Variants in MICAL2 observed in about 807,000 individuals in gnomAD.
MICAL2 encodes the protein [F-actin]-monooxygenase MICAL2.
MICAL2 carries 77 observed loss-of-function variants against 127.3 expected under a neutral mutation model. The observed-to-expected ratio is 0.60, with a 90% CI of 0.50 to 0.73. The LOEUF is 0.73. Among genes scored for constraint, MICAL2 ranks in the 30% least tolerant of loss-of-function variants. The pLI is 0.00. For synonymous variants in MICAL2, 570 were observed against 551.1 expected, an observed-to-expected ratio of 1.03 and a Z score of -0.48; for missense variants, 1,351 against 1,434.4, an observed-to-expected ratio of 0.94 and a Z score of 0.94.
chr11:12,186,407 C>T (rs1244415537), intron 3 of MICAL2, among the ~76,000 whole-genome samples: 1 of 152,068 alleles, frequency 6.6e-6, no homozygotes, highest in Admixed American at 6.5e-5. Flanking sequence ...TTAATGACAA[C>T]TATCATTTGT....
downstream of MICAL2, among the ~76,000 whole-genome samples, chr11:12,361,004 G>A (rs1939197163): frequency 2.0e-5 from 3 of 152,152 alleles, no homozygotes; most frequent in Non-Finnish European, 4.4e-5. Context: ...TATACATTTT[G>A]AAGACAGTTT....
At chr11:12,319,440 G>GT (rs1864266682) in intron 29 of MICAL2, among the ~76,000 whole-genome samples, 3 of 61,582 alleles carry the variant, frequency 4.9e-5, no homozygotes, top group African/African-American at 2.1e-4. Flanking sequence ...TAATACCTTG[G>GT]TTTTTTCTTT....
At chr11:12,157,552 T>C (rs538585335) in intron 2 of MICAL2, among the ~76,000 whole-genome samples, 1 of 152,344 alleles carries the variant, frequency 6.6e-6, no homozygotes, top group East Asian at 1.9e-4. Flanking sequence ...CATCACATCT[T>C]GTTTCTTCCC....
At chr11:12,292,082 C>T (rs1026653386), downstream of MICAL2, 3 of 1,547,156 alleles carry the variant, frequency 1.9e-6, no homozygotes, top group Non-Finnish European at 2.6e-6. Context: ...CTTAAAGCCT[C>T]CTCTTTTCTT....
chr11:12,123,492 A>G (rs1469578356), intron 1 of MICAL2, among the ~76,000 whole-genome samples: 1 of 152,156 alleles, frequency 6.6e-6, no homozygotes, highest in East Asian at 1.9e-4. Flanking sequence ...TTTGTTAACA[A>G]CCAGGACTCA....
rs115964956 is a variant in MICAL2 at position 12,324,617 on chromosome 11, G to A, written c.5421+547G>A. Among the ~76,000 whole-genome samples the A allele has an allele frequency of 5.0e-3, 763 of 152,254 alleles. 8 individuals are homozygous for A. The highest frequency in any genetic ancestry group is 0.017 in the African/African-American group (708 of 41,520). On this transcript the variant is annotated intron_variant, in intron 31 of 34. Transcript: ENST00000646065. ...AGGCAAAATGAAGCAGAAATTCAAG[G>A]CATCCTCCACCTCTCTGAGGAACCC...
intron 15 of MICAL2, among the ~76,000 whole-genome samples, chr11:12,228,272 G>T (rs562165806): frequency 6.6e-6 from 1 of 152,292 alleles, no homozygotes; most frequent in East Asian, 1.9e-4. Context: ...AGAGGTTGCA[G>T]TGAGCCGAGA....
At chr11:12,148,842 AAAG>A (rs1853255436) in intron 2 of MICAL2, among the ~76,000 whole-genome samples, 1 of 152,100 alleles carries the variant, frequency 6.6e-6, no homozygotes, top group Non-Finnish European at 1.5e-5. Context: ...ATTATGCTTC[AAAG>A]AAGAACAGTG....
rs139127258 is a variant in MICAL2, at chr11:12,332,388, A to T, written c.5515+5122A>T. On this transcript the variant is annotated intron_variant, in intron 32 of 34. Coordinates refer to the MICAL2 transcript ENST00000646065. ...TAAATACAGGTAGCCATGAACACAG[A>T]AACACAGATAATATTATTTTGTCAC... Among the ~76,000 whole-genome samples, 534 of 152,342 alleles carry T rather than the reference A, an allele frequency of 3.5e-3. 4 individuals carry two copies. The highest frequency in any genetic ancestry group is 0.01 in the Middle Eastern group (3 of 294).
chr11:12,288,089 A>G (rs1863849692), downstream of MICAL2, among the ~76,000 whole-genome samples: 1 of 152,202 alleles, frequency 6.6e-6, no homozygotes, highest in African/African-American at 2.4e-5. Context: ...CCACCGTCAC[A>G]CCAGGTCAGG....
chr11:12,165,364 A>C (rs962749741), intron 3 of MICAL2, among the ~76,000 whole-genome samples: 4 of 152,194 alleles, frequency 2.6e-5, no homozygotes, highest in Non-Finnish European at 5.9e-5. Flanking sequence ...TTCCAACATG[A>C]ACAGACACTG....
chr11:12,289,553 CTTGTTTT>C (rs1279449912), downstream of MICAL2, among the ~76,000 whole-genome samples: 1 of 42,078 alleles, frequency 2.4e-5, no homozygotes, highest in African/African-American at 4.8e-5. Context: ...CTGGGCACCT[CTTGTTTT>C]TTTTTGTTTT....
chr11:12,351,220 A>G (rs374465763), intron 33 of MICAL2, among the ~76,000 whole-genome samples: 18 of 152,306 alleles, frequency 1.2e-4, no homozygotes, highest in African/African-American at 4.3e-4. Flanking sequence ...AACCCACTAC[A>G]CTAACCAACC....
At chr11:12,187,306 A>T (rs1858430285) in intron 3 of MICAL2, among the ~76,000 whole-genome samples, 1 of 152,196 alleles carries the variant, frequency 6.6e-6, no homozygotes, top group African/African-American at 2.4e-5. Context: ...CATCTCTAAG[A>T]TTGCTTTATT....
chr11:12,360,750 T>A (rs1939194266), downstream of MICAL2, among the ~76,000 whole-genome samples: 1 of 152,226 alleles, frequency 6.6e-6, no homozygotes, highest in South Asian at 2.1e-4. Flanking sequence ...GAGAAGCAAT[T>A]TGTTCACTTG....
chr11:12,170,754 G>A (rs1456310110), intron 3 of MICAL2, among the ~76,000 whole-genome samples: 1 of 152,116 alleles, frequency 6.6e-6, no homozygotes, highest in East Asian at 1.9e-4. Context: ...TGGGTTTGGT[G>A]CCCCAGTGGG....
chr11:12,297,427 C>G (rs1863999432), intron 29 of MICAL2, among the ~76,000 whole-genome samples: 1 of 152,000 alleles, frequency 6.6e-6, no homozygotes, highest in Non-Finnish European at 1.5e-5. Context: ...AAATTTAACC[C>G]TTTTTTGTAA....
chr11:12,354,854 G>A, exon 34 of MICAL2: 1 of 1,613,628 alleles, frequency 6.2e-7, no homozygotes, highest in Non-Finnish European at 8.5e-7. Context: ...AATGCTCAAG[G>A]AGGGTGAGTA....
At chr11:12,292,893 G>T (rs1311900555), downstream of MICAL2, among the ~76,000 whole-genome samples, 3 of 152,102 alleles carry the variant, frequency 2.0e-5, no homozygotes. Context: ...GGTCTTGGGA[G>T]GGCACAGCCA....
Sources: gnomAD v4.1 joint callset for allele counts (sites outside exome capture counted in the v4.1 genomes callset) on GRCh38, gnomAD v4.1.1 for gene constraint, MANE v1.5 for transcripts, NCBI Gene and HGNC (gene_info 2026-07-23, HGNC 2026-07-21) for gene names.